Variants in CNTNAP2 observed in about 807,000 individuals in gnomAD.
CNTNAP2 encodes contactin-associated protein-like 2.
Under a neutral mutation model 155.2 loss-of-function variants are expected in CNTNAP2, and 98 were observed. That is an observed-to-expected ratio of 0.63 (90% CI 0.54 to 0.75). The LOEUF (loss-of-function observed/expected upper bound fraction) is 0.75, where lower values mean the gene tolerates loss of function less well. CNTNAP2 is among the 30% of genes least tolerant of loss of function. The probability of loss-of-function intolerance (pLI) is 0.00; values close to 1 mark genes in which losing one functional copy is unlikely to be tolerated. For synonymous variants in CNTNAP2, 651 were observed against 631.2 expected, an observed-to-expected ratio of 1.03 and a Z score of -0.47; for missense variants, 1,727 against 1,688.1, an observed-to-expected ratio of 1.02 and a Z score of -0.40.
chr7:147,125,952 T>C (rs1584859696), intron 6 of CNTNAP2, among the ~76,000 whole-genome samples: 1 of 152,220 alleles, frequency 6.6e-6, no homozygotes, highest in East Asian at 1.9e-4. Context: ...AATCTTGCTC[T>C]TCCTCTATCC....
chr7:146,453,582 G>A (rs918493841), intron 1 of CNTNAP2, among the ~76,000 whole-genome samples: 4 of 152,034 alleles, frequency 2.6e-5, no homozygotes, highest in African/African-American at 4.8e-5. Context: ...AGAATGAGGA[G>A]AAAAAAATCC....
At chr7:146,888,889 T>C (rs985567765) in intron 3 of CNTNAP2, among the ~76,000 whole-genome samples, 1 of 152,090 alleles carries the variant, frequency 6.6e-6, no homozygotes, top group Non-Finnish European at 1.5e-5. Flanking sequence ...ATCTCAGTTA[T>C]GCAAGGTAAA....
intron 1 of CNTNAP2, among the ~76,000 whole-genome samples, chr7:146,235,044 A>G (rs1315011585): frequency 2.0e-5 from 3 of 152,188 alleles, no homozygotes; most frequent in South Asian, 2.1e-4. Flanking sequence ...TTATAGGCCT[A>G]GGAAAGTATG....
intron 21 of CNTNAP2, among the ~76,000 whole-genome samples, chr7:148,319,692 G>A (rs556925770): frequency 4.5e-4 from 68 of 151,800 alleles, no homozygotes; most frequent in African/African-American, 1.2e-3. Context: ...CTGTGCATGC[G>A]AGGGATCTAG....
At chr7:147,645,834 G>C (rs548668651) in intron 13 of CNTNAP2, among the ~76,000 whole-genome samples, 2 of 152,320 alleles carry the variant, frequency 1.3e-5, no homozygotes, top group Admixed American at 1.3e-4. Context: ...ATGATTCAGA[G>C]ATGGAGATCA....
intron 1 of CNTNAP2, among the ~76,000 whole-genome samples, chr7:146,574,917 C>A (rs1264713467): frequency 1.3e-5 from 2 of 152,120 alleles, no homozygotes; most frequent in Non-Finnish European, 2.9e-5. Flanking sequence ...GCTCCAAATC[C>A]TATTCTGAAG....
chr7:146,988,393 G>C (rs1798152876), intron 3 of CNTNAP2, among the ~76,000 whole-genome samples: 1 of 151,944 alleles, frequency 6.6e-6, no homozygotes, highest in South Asian at 2.1e-4. Context: ...ATCGTAATTA[G>C]CCACTATATA....
At chr7:147,402,781 C>A (rs1950033) in intron 10 of CNTNAP2, among the ~76,000 whole-genome samples, 99,221 of 151,836 alleles carry the variant, frequency 0.65, 33,780 homozygotes, top group African/African-American at 0.86. Flanking sequence ...CCATCCCTCC[C>A]TATCTGCTCT....
intron 13 of CNTNAP2, among the ~76,000 whole-genome samples, chr7:147,718,242 G>A (rs1230784769): frequency 6.6e-6 from 1 of 152,010 alleles, no homozygotes; most frequent in African/African-American, 2.4e-5. Context: ...TATAGGTAGG[G>A]TAAAAAGCTA....
intron 12 of CNTNAP2, among the ~76,000 whole-genome samples, chr7:147,636,770 TCTTAA>T (rs1795187836): frequency 6.6e-6 from 1 of 152,196 alleles, no homozygotes; most frequent in African/African-American, 2.4e-5. Flanking sequence ...ATCTCTGCTT[TCTTAA>T]CTTTTAATGT....
intron 1 of CNTNAP2, among the ~76,000 whole-genome samples, chr7:146,650,662 A>G (rs572138047): frequency 6.6e-6 from 1 of 152,286 alleles, no homozygotes; most frequent in Non-Finnish European, 1.5e-5. Flanking sequence ...CAGGTTCTGC[A>G]CATGTATCCT....
chr7:146,817,191 G>A (rs951719345), intron 2 of CNTNAP2, among the ~76,000 whole-genome samples: 2 of 152,134 alleles, frequency 1.3e-5, no homozygotes, highest in Admixed American at 6.5e-5. Context: ...AAATACCTGG[G>A]CCAGGTGCGG....
chr7:147,698,703 G>A (rs1181471115), intron 13 of CNTNAP2, among the ~76,000 whole-genome samples: 9 of 152,194 alleles, frequency 5.9e-5, no homozygotes, highest in South Asian at 4.2e-4. Context: ...TGGGGCTAGA[G>A]GTGTGCACCA....
intron 1 of CNTNAP2, among the ~76,000 whole-genome samples, chr7:146,133,764 T>C (rs1797753984): frequency 6.6e-6 from 1 of 152,200 alleles, no homozygotes; most frequent in African/African-American, 2.4e-5. Flanking sequence ...TTCTGTTCCA[T>C]TGATCTATAT....
intron 8 of CNTNAP2, among the ~76,000 whole-genome samples, chr7:147,185,982 G>A (rs547041201): frequency 6.6e-5 from 10 of 152,218 alleles, no homozygotes; most frequent in East Asian, 1.9e-4. Flanking sequence ...TTGTGAACTC[G>A]CTAACCACGT....
chr7:146,632,967 A>G (rs749514162), intron 1 of CNTNAP2, among the ~76,000 whole-genome samples: 1 of 151,596 alleles, frequency 6.6e-6, no homozygotes, highest in Non-Finnish European at 1.5e-5. Flanking sequence ...AAAATATCGG[A>G]AGAATTACTG....
chr7:148,370,872 G>T (rs143173557), intron 21 of CNTNAP2, among the ~76,000 whole-genome samples: 143 of 152,326 alleles, frequency 9.4e-4, no homozygotes, highest in African/African-American at 2.9e-3. Flanking sequence ...CCTGAAGGCA[G>T]TGACGGTGTG....
At position 146,878,708 on chromosome 7, in the gene CNTNAP2, A is replaced by G. The variant is rs566196343; in HGVS notation, c.402+38804A>G. ...ACCTCCCCTGCCCTCACTCCACTCT[A>G]AGTACATCAGCTTTCTCGCTGCTTC... On this transcript the variant is annotated intron_variant, in intron 3 of 23. Transcript: ENST00000361727. Among the ~76,000 whole-genome samples the G allele has an allele frequency of 8.6e-5, 13 of 152,018 alleles. No individual in the cohort carries two copies. The South Asian group carries it at 2.3e-3, about 27-fold the overall frequency.
chr7:146,215,973 C>T (rs1584806461), intron 1 of CNTNAP2, among the ~76,000 whole-genome samples: 1 of 152,098 alleles, frequency 6.6e-6, no homozygotes, highest in East Asian at 1.9e-4. Flanking sequence ...GAAAGAAATA[C>T]ATGGGGTTAT....
Sources: gnomAD v4.1 joint callset for allele counts (sites outside exome capture counted in the v4.1 genomes callset) on GRCh38, gnomAD v4.1.1 for gene constraint, MANE v1.5 for transcripts, NCBI Gene and HGNC (gene_info 2026-07-23, HGNC 2026-07-21) for gene names.